SYN3: variants seen among roughly 807,000 people sequenced by gnomAD.
SYN3 encodes the protein synapsin-3.
SYN3 carries 35 observed loss-of-function variants against 65.8 expected under a neutral mutation model. The observed-to-expected ratio is 0.53, with a 90% CI of 0.41 to 0.70. The LOEUF is 0.70. Among genes scored for constraint, SYN3 ranks in the 30% least tolerant of loss-of-function variants. SYN3 has a pLI of 0.00. For missense variants in SYN3, 680 were observed against 749.0 expected (o/e 0.91, Z 1.08); for synonymous variants, 270 against 292.9 (o/e 0.92, Z 0.80).
chr22:32,737,459 C>T (rs781023173), intron 6 of SYN3, among the ~76,000 whole-genome samples: 6 of 152,098 alleles, frequency 3.9e-5, no homozygotes, highest in Non-Finnish European at 8.8e-5. Context: ...AATGCTATCC[C>T]TCCCCCTCCC....
At chr22:32,812,783 A>AT (rs2145997101) in intron 6 of SYN3, among the ~76,000 whole-genome samples, 1 of 152,324 alleles carries the variant, frequency 6.6e-6, no homozygotes, top group South Asian at 2.1e-4. Flanking sequence ...CTTAGATCAA[A>AT]CGTGTGCCCC....
chr22:33,042,966 T>C (rs1169315910), intron 1 of SYN3, among the ~76,000 whole-genome samples: 3 of 152,202 alleles, frequency 2.0e-5, no homozygotes, highest in Non-Finnish European at 2.9e-5. Context: ...CACTTCCTAC[T>C]GCTCTTTCAA....
intron 3 of SYN3, among the ~76,000 whole-genome samples, chr22:32,978,662 G>C (rs566011350): frequency 6.6e-6 from 1 of 152,050 alleles, no homozygotes; most frequent in Non-Finnish European, 1.5e-5. Context: ...GCTAAGTTTG[G>C]ACCTCTCATC....
chr22:32,533,677 G>T lies in SYN3; in HGVS notation c.1095+116C>A, dbSNP rs192791884. The T allele has an allele frequency of 8.3e-5, 55 of 661,966 alleles. No individual in the cohort carries two copies. In the East Asian group the frequency reaches 1.4e-3, roughly 16 times the overall value. The allele number at this position is 661,966 out of a possible 1,614,324, so 41.0% of individuals were successfully genotyped here. On this transcript the variant is annotated intron_variant, in intron 10 of 13. Transcript: ENST00000358763. ...AGCAACTCACTGAGGCCTGGGTTGC[G>T]TGTGCCCTGGAGCCAGGACACAGCT... is the stretch of plus-strand genomic sequence containing the variant.
intron 6 of SYN3, among the ~76,000 whole-genome samples, chr22:32,645,020 G>T (rs2059963557): frequency 6.6e-6 from 1 of 152,184 alleles, no homozygotes; most frequent in African/African-American, 2.4e-5. Context: ...GCAGACACAG[G>T]AGGAGAGAAG....
intron 3 of SYN3, among the ~76,000 whole-genome samples, chr22:32,977,493 C>T (rs2052236517): frequency 1.3e-5 from 2 of 152,044 alleles, no homozygotes; most frequent in Non-Finnish European, 2.9e-5. Flanking sequence ...GGCCTGTAAT[C>T]CCAGCACGTT....
intron 1 of SYN3, among the ~76,000 whole-genome samples, chr22:33,023,326 C>G (rs1200278519): frequency 6.6e-6 from 1 of 152,158 alleles, no homozygotes; most frequent in Non-Finnish European, 1.5e-5. Context: ...GAATAAGTCT[C>G]ATGAGACATG....
chr22:32,805,553 G>C (rs1048332610), intron 6 of SYN3, among the ~76,000 whole-genome samples: 1 of 152,080 alleles, frequency 6.6e-6, no homozygotes, highest in Non-Finnish European at 1.5e-5. Flanking sequence ...TATCCAGCTG[G>C]AGGAGGGAAG....
intron 4 of SYN3, among the ~76,000 whole-genome samples, chr22:32,917,875 C>T (rs1008077597): frequency 6.6e-6 from 1 of 152,244 alleles, no homozygotes; most frequent in South Asian, 2.1e-4. Flanking sequence ...GTTCCCACGC[C>T]CCACCTCTGC....
At chr22:32,704,181 C>G (rs890843006) in intron 6 of SYN3, among the ~76,000 whole-genome samples, 1 of 152,066 alleles carries the variant, frequency 6.6e-6, no homozygotes, top group Non-Finnish European at 1.5e-5. Context: ...AAGCCTAGTA[C>G]CTTATGTTTA....
intron 3 of SYN3, among the ~76,000 whole-genome samples, chr22:32,958,044 A>G (rs1457934715): frequency 6.6e-6 from 1 of 152,226 alleles, no homozygotes; most frequent in Admixed American, 6.5e-5. Flanking sequence ...CTGTCTGTCC[A>G]TATTCTGAGG....
chr22:32,647,234 C>A (rs1332583303), intron 6 of SYN3, among the ~76,000 whole-genome samples: 1 of 152,054 alleles, frequency 6.6e-6, no homozygotes, highest in Non-Finnish European at 1.5e-5. Context: ...AGAGGAGGGA[C>A]CCAGGGATCT....
chr22:32,793,239 G>A (rs1340224949), intron 6 of SYN3, among the ~76,000 whole-genome samples: 1 of 152,202 alleles, frequency 6.6e-6, no homozygotes, highest in Non-Finnish European at 1.5e-5. Context: ...GCAGCCTGGA[G>A]TGACGGGAAG....
chr22:32,884,621 T>C (rs2049239320), intron 4 of SYN3, among the ~76,000 whole-genome samples: 1 of 152,216 alleles, frequency 6.6e-6, no homozygotes, highest in African/African-American at 2.4e-5. Context: ...GGCTCACTCC[T>C]GTAACCCCCA....
At chr22:32,947,720 G>A (rs2051156361) in intron 3 of SYN3, 1 of 152,210 alleles carries the variant, frequency 6.6e-6, no homozygotes, top group Non-Finnish European at 1.5e-5. Context: ...GAAGGAACGT[G>A]AATATCATTC....
At chr22:32,681,559 G>A (rs1238989805) in intron 6 of SYN3, among the ~76,000 whole-genome samples, 1 of 152,204 alleles carries the variant, frequency 6.6e-6, no homozygotes, top group Non-Finnish European at 1.5e-5. Context: ...GTCAGTATGT[G>A]ACCAGGGCAA....
chr22:32,529,339 T>G (rs5994583), intron 10 of SYN3, among the ~76,000 whole-genome samples: 14 of 152,238 alleles, frequency 9.2e-5, no homozygotes, highest in African/African-American at 2.9e-4. Flanking sequence ...CCTGGCCCCC[T>G]CCCAGGGTCG....
chr22:32,669,772 T>A (rs1272516267), intron 6 of SYN3, among the ~76,000 whole-genome samples: 1 of 152,230 alleles, frequency 6.6e-6, no homozygotes, highest in African/African-American at 2.4e-5. Flanking sequence ...TAAGTGGAAG[T>A]GTCATCTGAT....
intron 1 of SYN3, among the ~76,000 whole-genome samples, chr22:33,026,179 T>C (rs1054509840): frequency 1.5e-4 from 23 of 152,298 alleles, no homozygotes; most frequent in African/African-American, 4.1e-4. Context: ...TCTGTGTTGT[T>C]TATTACAGTA....
Sources: allele counts gnomAD v4.1 joint callset (sites outside exome capture counted in the v4.1 genomes callset), GRCh38; gene constraint gnomAD v4.1.1; transcripts MANE v1.5; gene names NCBI Gene and HGNC (gene_info 2026-07-23, HGNC 2026-07-21).